Variants in TPX2 observed in about 807,000 individuals in gnomAD.
TPX2 encodes TPX2 microtubule nucleation factor.
In TPX2, 21 loss-of-function variants were observed where a neutral mutation model predicts 93.6. That is an observed-to-expected ratio of 0.22 (90% CI 0.16 to 0.32). The LOEUF is 0.32. Ranked by LOEUF, TPX2 falls within the 10% of genes least tolerant of loss-of-function variation. The probability of loss-of-function intolerance (pLI) is 1.00; values close to 1 mark genes in which losing one functional copy is unlikely to be tolerated. For missense variants in TPX2, 776 were observed against 871.1 expected (o/e 0.89, Z 1.37); for synonymous variants, 281 against 298.3 (o/e 0.94, Z 0.60).
At chr20:31,789,612 CAA>C (rs201001634) in intron 12 of TPX2, among the ~76,000 whole-genome samples, 1 of 140,594 alleles carries the variant, frequency 7.1e-6, no homozygotes, top group South Asian at 2.2e-4. Context: ...ATAGCAAAAA[CAA>C]AAAAAAACAA....
intron 2 of TPX2, among the ~76,000 whole-genome samples, chr20:31,747,190 G>T (rs1050247628): frequency 7.2e-5 from 11 of 152,074 alleles, no homozygotes; most frequent in African/African-American, 2.7e-4. Context: ...GTGCAATCTC[G>T]GCTCACTGCA....
At chr20:31,754,696 C>T (rs1231641235) in intron 2 of TPX2, among the ~76,000 whole-genome samples, 2 of 151,790 alleles carry the variant, frequency 1.3e-5, no homozygotes, top group Non-Finnish European at 1.5e-5. Flanking sequence ...TGGATGTGTA[C>T]AGAAATTTAG....
At chr20:31,759,396 G>GTTTTTTT (rs35468756) in intron 3 of TPX2, among the ~76,000 whole-genome samples, 9 of 100,410 alleles carry the variant, frequency 9.0e-5, no homozygotes, top group African/African-American at 2.7e-4. Flanking sequence ...GTTTTCTTTC[G>GTTTTTTT]TTTTTTTTTT....
intron 4 of TPX2, among the ~76,000 whole-genome samples, chr20:31,763,732 T>G (rs867092795): frequency 6.6e-5 from 10 of 150,862 alleles, no homozygotes; most frequent in African/African-American, 2.4e-4. Flanking sequence ...TTTTTTTTTT[T>G]TTTTTGGCTG....
At chr20:31,774,189 A>G (rs982893676) in intron 7 of TPX2, among the ~76,000 whole-genome samples, 13 of 152,160 alleles carry the variant, frequency 8.5e-5, no homozygotes, top group African/African-American at 2.2e-4. Flanking sequence ...CTCTTAGTGT[A>G]TTACGATTAC....
chr20:31,739,855 C>T (rs921829630), intron 1 of TPX2, among the ~76,000 whole-genome samples: 1 of 152,022 alleles, frequency 6.6e-6, no homozygotes, highest in Non-Finnish European at 1.5e-5. Context: ...GGAAGTGTGG[C>T]GTTTGATGGA....
intron 3 of TPX2, among the ~76,000 whole-genome samples, chr20:31,759,447 T>A (rs2122986901): frequency 1.4e-5 from 2 of 143,036 alleles, no homozygotes; most frequent in South Asian, 4.6e-4. Flanking sequence ...GTCGCCAGGC[T>A]GTAGTGCAGT....
Position 31,793,940 on chromosome 20 carries a change from A to T in TPX2, c.1602A>T (p.Glu534Asp), listed in dbSNP as rs1167197746. Reference sequence around the variant, plus strand: ...AAATCCCAGAGGCAAGAACTGTGGAAATATGCCCTTTCTCGTTTGATTCTC... The same window carrying T: ...AAATCCCAGAGGCAAGAACTGTGGATATATGCCCTTTCTCGTTTGATTCTC... The part of the protein sequence containing the change: ...KPQIPEARTV[E>D]ICPFSFDSRD... Residue 534 changes from glutamate to aspartate, a missense_variant, in exon 14 of 18, where the codon GAA becomes GAT. Glu to Asp is a conservative substitution (Grantham distance 45). Around this residue, in one of 3 missense-constraint regions of TPX2, gnomAD observed 461 missense variants for 551.2 expected, o/e 0.84. Coordinates refer to ENST00000300403, the MANE Select transcript of TPX2 (RefSeq NM_012112.5). The T allele has an allele frequency of 2.5e-6, 4 of 1,613,962 alleles. No homozygotes were observed. In the African/African-American group the frequency reaches 4.0e-5, roughly 16 times the overall value.
intron 15 of TPX2, among the ~76,000 whole-genome samples, chr20:31,794,796 G>C (rs1224578986): frequency 6.7e-6 from 1 of 149,658 alleles, no homozygotes; most frequent in Non-Finnish European, 1.5e-5. Context: ...GTGTGTATGT[G>C]TGTGTGTACG....
chr20:31,783,551 C>CAA, intron 11 of TPX2, among the ~76,000 whole-genome samples, 154 bp from the exon 12 acceptor site: 2 of 152,116 alleles, frequency 1.3e-5, no homozygotes, highest in South Asian at 4.1e-4. Context: ...GTGCCTGGCC[C>CAA]ATTGTTTTTC....
At chr20:31,770,513 G>T in intron 6 of TPX2, 42 bp downstream of exon 6, 1 of 1,492,892 alleles carries the variant, frequency 6.7e-7, no homozygotes, top group Non-Finnish European at 8.9e-7. Context: ...CAGACATATT[G>T]TACCTTGTAT....
intron 12 of TPX2, among the ~76,000 whole-genome samples, chr20:31,786,682 G>A (rs1222164224): frequency 2.0e-5 from 3 of 152,204 alleles, no homozygotes; most frequent in Non-Finnish European, 4.4e-5. Flanking sequence ...AGGATAGTAG[G>A]CGTGAGCCAC....
chr20:31,772,432 G>A (rs1034086183), intron 7 of TPX2, among the ~76,000 whole-genome samples: 1 of 152,096 alleles, frequency 6.6e-6, no homozygotes, highest in Non-Finnish European at 1.5e-5. Context: ...CAAAGTGCTG[G>A]GATTACAGAT....
In TPX2 at chr20:31,759,640, C is replaced by T. The variant is rs1054289283; in HGVS notation, c.107-417C>T. Among the ~76,000 whole-genome samples, 19 of 152,084 alleles carry T rather than the reference C, an allele frequency of 1.2e-4. 1 individual carries two copies. The highest frequency in any genetic ancestry group is 6.6e-4 in the Admixed American group (10 of 15,246). ...GTCTCGATCTCCTGACCTCATGACC[C>T]ACCCGCCTCGGCCTCCCAAAGTGCT... is the stretch of plus-strand genomic sequence containing the variant. On this transcript the variant is annotated intron_variant, in intron 3 of 17. Transcript: ENST00000300403.
intron 2 of TPX2, among the ~76,000 whole-genome samples, chr20:31,750,184 T>C (rs930865450): frequency 6.7e-6 from 1 of 149,730 alleles, no homozygotes; most frequent in African/African-American, 2.5e-5. Context: ...TGAGACGGAG[T>C]TTCGCTCTTG....
chr20:31,792,108 G>T (rs1377351730), intron 12 of TPX2, among the ~76,000 whole-genome samples: 1 of 152,214 alleles, frequency 6.6e-6, no homozygotes, highest in Non-Finnish European at 1.5e-5. Context: ...GAGATATAAG[G>T]CTGGGTACAG....
At position 31,771,546 on chromosome 20, in the gene TPX2, C is replaced by G; in HGVS notation, c.486-14C>G. On this transcript the variant is annotated splice_polypyrimidine_tract_variant and intron_variant, in intron 6 of 17. Coordinates refer to ENST00000300403, the MANE Select transcript of TPX2 (RefSeq NM_012112.5). ...GGGAATTGAAAACATATTTTTTGTC[C>G]TTTTGAACTCAAGTTCTAACAACAA... The G allele has an allele frequency of 1.9e-6, 3 of 1,607,380 alleles. No individual in the cohort carries two copies. Among genetic ancestry groups the G allele is most frequent in the Non-Finnish European group, 2.5e-6 (3 of 1,178,122 alleles).
intron 15 of TPX2, among the ~76,000 whole-genome samples, 163 bp from the exon 16 acceptor site, chr20:31,797,241 G>C (rs2062144279): frequency 6.6e-6 from 1 of 152,150 alleles, no homozygotes; most frequent in Admixed American, 6.5e-5. Context: ...TTGTCAGACT[G>C]ATCTGTTCAT....
At chr20:31,763,726 T>A (rs1211980953) in intron 4 of TPX2, among the ~76,000 whole-genome samples, 2 of 150,592 alleles carry the variant, frequency 1.3e-5, no homozygotes, top group South Asian at 2.1e-4. Context: ...ATTTAATTTT[T>A]TTTTTTTTTT....
Sources: gnomAD v4.1 joint callset for allele counts (sites outside exome capture counted in the v4.1 genomes callset) on GRCh38, gnomAD v4.1.1 for gene constraint, gnomAD v4.1.1 regional missense constraint, MANE v1.5 for transcripts, NCBI Gene and HGNC (gene_info 2026-07-23, HGNC 2026-07-21) for gene names.